The following LTBP1 variants were observed in gnomAD, a reference collection of about 807,000 sequenced individuals.
LTBP1 encodes the protein latent transforming growth factor beta binding protein 1.
A neutral mutation model predicts 207.6 loss-of-function variants in LTBP1; 129 were observed. The observed-to-expected ratio is 0.62, with a 90% CI of 0.54 to 0.72. The LOEUF (loss-of-function observed/expected upper bound fraction) is 0.72, where lower values mean the gene tolerates loss of function less well. Among genes scored for constraint, LTBP1 ranks in the 30% least tolerant of loss-of-function variants. The pLI is 0.00. For synonymous variants in LTBP1, 963 were observed against 833.7 expected (o/e 1.16, Z -2.67); for missense variants, 2,281 against 2,217.2 (o/e 1.03, Z -0.58).
At chr2:33,190,339 C>CGTGT (rs10678958) in intron 7 of LTBP1, among the ~76,000 whole-genome samples, 1 of 151,740 alleles carries the variant, frequency 6.6e-6, no homozygotes, top group African/African-American at 2.4e-5. Flanking sequence ...AAAAATATAT[C>CGTGT]GTGTGTGTGT....
intron 12 of LTBP1, among the ~76,000 whole-genome samples, chr2:33,258,660 G>A (rs2092926016): frequency 1.3e-5 from 2 of 152,212 alleles, no homozygotes; most frequent in South Asian, 4.1e-4. Flanking sequence ...ATGGGCCGTA[G>A]TTCCAGATTT....
At chr2:33,291,624 A>G (rs1191476722) in intron 19 of LTBP1, 1 of 152,234 alleles carries the variant, frequency 6.6e-6, no homozygotes, top group Non-Finnish European at 1.5e-5. Context: ...CGTGGACTAG[A>G]GTCAGCTCAC....
chr2:33,048,917 A>G (rs764657055), intron 3 of LTBP1, among the ~76,000 whole-genome samples: 1 of 152,220 alleles, frequency 6.6e-6, no homozygotes, highest in Non-Finnish European at 1.5e-5. Context: ...ATAAAAGACA[A>G]ACATTTTGAA....
intron 5 of LTBP1, among the ~76,000 whole-genome samples, chr2:33,145,912 GC>G (rs2150879146): frequency 6.6e-6 from 1 of 152,308 alleles, no homozygotes; most frequent in East Asian, 1.9e-4. Context: ...TTTGGTAAAA[GC>G]CTACTGACTC....
chr2:33,293,150 A>T lies in LTBP1; in HGVS notation c.3113-10A>T. ...TTTTTTGTTCTTTCCATTACGCAAC[A>T]TTCTTCAAGATGTGGACGAGTGCCT... is the stretch of plus-strand genomic sequence containing the variant. On this transcript the variant is annotated splice_polypyrimidine_tract_variant and intron_variant, in intron 19 of 33. Transcript: ENST00000404816. The T allele has an allele frequency of 3.7e-6, 6 of 1,606,170 alleles. No homozygotes were observed. Among genetic ancestry groups the T allele is most frequent in the Non-Finnish European group, 5.1e-6 (6 of 1,178,224 alleles).
At chr2:33,082,026 T>C (rs965960627) in intron 3 of LTBP1, among the ~76,000 whole-genome samples, 7 of 152,312 alleles carry the variant, frequency 4.6e-5, no homozygotes, top group Admixed American at 6.5e-5. Flanking sequence ...ATGTCTGTAT[T>C]AGCAGCATGA....
Position 32,947,486 on chromosome 2 carries a change from C to T in LTBP1, c.162C>T (p.Phe54=). ...GCGGGCCCCCGCGTTCGCGGACATT[C>T]AACGTCGCGCTCAACGCCAGGTACA... The part of the protein sequence containing the change: ...PLSGPPRSRT[F]NVALNARYSR... The change falls in exon 1 of 34, where the codon TTC becomes TTT. Residue 54 remains phenylalanine, a synonymous_variant. Transcript: ENST00000404816. 2 of 1,443,312 alleles carry T rather than the reference C, an allele frequency of 1.4e-6. No individual in the cohort carries two copies. The highest frequency in any genetic ancestry group is 1.8e-6 in the Non-Finnish European group (2 of 1,102,156). 89.4% of individuals were successfully genotyped at this position (1,443,312 alleles called of 1,614,324 possible). A position where few individuals can be genotyped will look rare whatever the true frequency, so the allele number is the denominator to read the frequency against.
intron 32 of LTBP1, among the ~76,000 whole-genome samples, chr2:33,391,123 A>G (rs188640945): frequency 1.3e-5 from 2 of 151,408 alleles, no homozygotes; most frequent in Admixed American, 1.3e-4. Flanking sequence ...AGAATTAAAA[A>G]TGTTTTAAAA....
intron 31 of LTBP1, among the ~76,000 whole-genome samples, chr2:33,374,467 A>G (rs2095111538): frequency 6.6e-6 from 1 of 152,218 alleles, no homozygotes; most frequent in Admixed American, 6.5e-5. Flanking sequence ...ACCGCTAGTC[A>G]CTTACAATGG....
chr2:33,182,697 T>C (rs11677784), intron 5 of LTBP1, among the ~76,000 whole-genome samples: 2,144 of 87,754 alleles, frequency 0.024, 273 homozygotes, highest in Non-Finnish European at 0.04. Context: ...GATATATATA[T>C]ATACACACAC....
intron 2 of LTBP1, among the ~76,000 whole-genome samples, chr2:32,988,988 C>G (rs1684013448): frequency 6.6e-6 from 1 of 152,012 alleles, no homozygotes; most frequent in African/African-American, 2.4e-5. Flanking sequence ...CACTATCAAA[C>G]TTTGAATTCC....
At chr2:33,032,268 T>C (rs921105586) in intron 3 of LTBP1, among the ~76,000 whole-genome samples, 4 of 152,238 alleles carry the variant, frequency 2.6e-5, no homozygotes, top group Non-Finnish European at 5.9e-5. Flanking sequence ...AAAACCAGAT[T>C]TGATTTCCTT....
intron 24 of LTBP1, among the ~76,000 whole-genome samples, chr2:33,336,031 G>A (rs2094550247): frequency 1.3e-5 from 2 of 152,074 alleles, no homozygotes; most frequent in African/African-American, 4.8e-5. Flanking sequence ...TTTCTTCCAA[G>A]GGTCTCCTAC....
At chr2:33,247,619 C>T (rs535148032) in intron 10 of LTBP1, among the ~76,000 whole-genome samples, 72 of 152,278 alleles carry the variant, frequency 4.7e-4, no homozygotes, top group African/African-American at 1.7e-3. Flanking sequence ...TTATCTGATG[C>T]TTGACAGAAA....
At chr2:33,141,772 T>TG (rs542124976) in intron 5 of LTBP1, among the ~76,000 whole-genome samples, 190 of 152,284 alleles carry the variant, frequency 1.2e-3, no homozygotes, top group African/African-American at 4.0e-3. Flanking sequence ...GTCTAAACCG[T>TG]GGAGCACCCC....
intron 31 of LTBP1, among the ~76,000 whole-genome samples, chr2:33,373,175 C>T (rs901776484): frequency 7.2e-5 from 11 of 152,132 alleles, no homozygotes; most frequent in Non-Finnish European, 1.6e-4. Flanking sequence ...TACTACAGCA[C>T]AGGTAATTTC....
intron 24 of LTBP1, among the ~76,000 whole-genome samples, chr2:33,336,992 G>C (rs1173331990): frequency 6.6e-6 from 1 of 152,120 alleles, no homozygotes; most frequent in African/African-American, 2.4e-5. Flanking sequence ...GTGAATTTTT[G>C]TGTTGAGTTC....
chr2:33,306,698 T>G (rs928313420), intron 22 of LTBP1, among the ~76,000 whole-genome samples: 8 of 152,214 alleles, frequency 5.3e-5, no homozygotes, highest in Non-Finnish European at 1.0e-4. Context: ...TGATCTTTTT[T>G]GAATTGAGTT....
intron 2 of LTBP1, among the ~76,000 whole-genome samples, chr2:33,006,202 C>T (rs921535868): frequency 3.9e-5 from 6 of 151,996 alleles, no homozygotes; most frequent in East Asian, 1.9e-4. Flanking sequence ...AGATTACAGG[C>T]GTGAGCCACT....
Sources: allele counts gnomAD v4.1 joint callset (sites outside exome capture counted in the v4.1 genomes callset), GRCh38; gene constraint gnomAD v4.1.1; transcripts MANE v1.5; gene names NCBI Gene and HGNC (gene_info 2026-07-23, HGNC 2026-07-21).